Variants in MYO5B observed in about 807,000 individuals in gnomAD.
The protein encoded by MYO5B is unconventional myosin-Vb.
Under a neutral mutation model 229.3 loss-of-function variants are expected in MYO5B, and 143 were observed. The observed-to-expected ratio is 0.62, with a 90% CI of 0.54 to 0.72. The LOEUF is 0.72. Ranked by LOEUF, MYO5B falls within the 30% of genes least tolerant of loss-of-function variation. The probability of loss-of-function intolerance (pLI) is 0.00; values close to 1 mark genes in which losing one functional copy is unlikely to be tolerated. For missense variants in MYO5B, 2,321 were observed against 2,331.0 expected (o/e 1.00, Z 0.09); for synonymous variants, 918 against 885.2 (o/e 1.04, Z -0.66).
At chr18:50,082,503 C>T (rs570132368) in intron 1 of MYO5B, among the ~76,000 whole-genome samples, 1 of 152,264 alleles carries the variant, frequency 6.6e-6, no homozygotes, top group Admixed American at 6.5e-5. Flanking sequence ...GGTCTAGAAC[C>T]TAAGTGTTTC....
chr18:50,108,106 G>A (rs1410473376), intron 1 of MYO5B, among the ~76,000 whole-genome samples: 7 of 152,044 alleles, frequency 4.6e-5, no homozygotes, highest in African/African-American at 9.7e-5. Flanking sequence ...ATGGGGTTTC[G>A]CCATGTTGCC....
intron 9 of MYO5B, 129 bp downstream of exon 9, chr18:49,980,314 GA>G (rs1399761406): frequency 3.9e-6 from 3 of 773,506 alleles, no homozygotes; most frequent in Non-Finnish European, 6.8e-6. Context: ...ATCAGCAAGT[GA>G]ACAGAAACCA....
At chr18:50,058,093 A>G (rs2030596255) in intron 1 of MYO5B, among the ~76,000 whole-genome samples, 1 of 152,242 alleles carries the variant, frequency 6.6e-6, no homozygotes, top group African/African-American at 2.4e-5. Flanking sequence ...ACTGATGTCC[A>G]TAAATCAAGT....
intron 14 of MYO5B, among the ~76,000 whole-genome samples, chr18:49,941,256 C>T (rs139671399): frequency 9.6e-4 from 146 of 152,302 alleles, no homozygotes; most frequent in Non-Finnish European, 1.9e-3. Flanking sequence ...TCCTTAGTTC[C>T]CTGGCCTGGG....
At chr18:50,106,804 C>T (rs2031769804) in intron 1 of MYO5B, among the ~76,000 whole-genome samples, 1 of 152,212 alleles carries the variant, frequency 6.6e-6, no homozygotes, top group Admixed American at 6.5e-5. Flanking sequence ...ACTGCTGTAT[C>T]GTCAGTGTCT....
chr18:50,118,152 G>A (rs548630034), intron 1 of MYO5B, among the ~76,000 whole-genome samples: 4 of 152,084 alleles, frequency 2.6e-5, no homozygotes, highest in South Asian at 4.2e-4. Context: ...CCATCCACCC[G>A]CCCCCAACTA....
Position 49,895,052 on chromosome 18 carries a change from G to T in MYO5B, c.2934C>A (p.Ser978Arg). ...TCTCCACCTCCTCCTGCAGCCTGAG[G>T]CTGGTGTCCTCACCTGGGCTCTGCT... The part of the protein sequence containing the change: ...HYQQSPGEDT[S>R]LRLQEEVESL... The change falls in exon 22 of 40, where the codon AGC becomes AGA. Residue 978 changes from serine to arginine, a missense_variant. Transcript: ENST00000285039. The T allele has an allele frequency of 6.2e-7, 1 of 1,614,086 alleles. No homozygotes were observed. The highest frequency in any genetic ancestry group is 8.5e-7 in the Non-Finnish European group (1 of 1,180,022).
intron 1 of MYO5B, among the ~76,000 whole-genome samples, chr18:50,073,857 C>T (rs1172969067): frequency 6.6e-6 from 1 of 152,084 alleles, no homozygotes; most frequent in African/African-American, 2.4e-5. Context: ...TCTTTTTACC[C>T]TATTATCCAC....
chr18:49,971,417 A>G (rs1045146823), intron 10 of MYO5B, among the ~76,000 whole-genome samples: 1 of 152,224 alleles, frequency 6.6e-6, no homozygotes, highest in Non-Finnish European at 1.5e-5. Flanking sequence ...GGGGCAGATG[A>G]CAGTAAACGG....
intron 22 of MYO5B, among the ~76,000 whole-genome samples, chr18:49,883,647 T>C (rs1488217013): frequency 6.6e-6 from 1 of 150,582 alleles, no homozygotes; most frequent in African/African-American, 2.5e-5. Context: ...TCATATATAA[T>C]ATCTAGGGAT....
chr18:49,994,529 G>A (rs1248304826), intron 5 of MYO5B, among the ~76,000 whole-genome samples: 1 of 152,220 alleles, frequency 6.6e-6, no homozygotes, highest in Non-Finnish European at 1.5e-5. Flanking sequence ...GGGGGAGAAA[G>A]TACAACCTTG....
intron 1 of MYO5B, among the ~76,000 whole-genome samples, chr18:50,084,761 A>G (rs910551709): frequency 9.9e-5 from 15 of 152,214 alleles, no homozygotes; most frequent in Non-Finnish European, 2.2e-4. Context: ...ATAATGCTGC[A>G]TATCTACAAC....
At chr18:49,960,521 G>A (rs2025547201) in intron 12 of MYO5B, among the ~76,000 whole-genome samples, 1 of 152,184 alleles carries the variant, frequency 6.6e-6, no homozygotes, top group South Asian at 2.1e-4. Flanking sequence ...CCCTTTCACT[G>A]AAGCATACAG....
chr18:49,979,136 C>T (rs1285806427), intron 9 of MYO5B, among the ~76,000 whole-genome samples: 1 of 152,190 alleles, frequency 6.6e-6, no homozygotes, highest in East Asian at 1.9e-4. Flanking sequence ...CACAGGTCCT[C>T]CTCTGAACAT....
At chr18:50,145,033 G>C (rs1282146049) in intron 1 of MYO5B, among the ~76,000 whole-genome samples, 1 of 152,174 alleles carries the variant, frequency 6.6e-6, no homozygotes, top group Non-Finnish European at 1.5e-5. Flanking sequence ...ACTTCTGGGA[G>C]AGGCAACAAC....
Position 49,980,452 on chromosome 18 carries a change from T to C in MYO5B, c.1048A>G (p.Ser350Gly), listed in dbSNP as rs1456256202. The stretch of plus-strand genomic sequence containing the variant: ...GTTGGTGTGCAACTTACTGATATAC[T>C]ACAGGAATCACCATCACGCTCAGCC... ...IQAERDGDSC[S>G]ISPQDVYLSN... is the part of the protein sequence containing the mutation. Residue 350 changes from serine (S) to glycine (G), a missense_variant, in exon 9 of 40, where the codon AGT becomes GGT. By Grantham distance (56) the Ser-to-Gly change is moderately conservative. Around this residue, in one of 2 missense-constraint regions of MYO5B, gnomAD observed 2,113 missense variants for 2,044.7 expected, o/e 1.03. Transcript: ENST00000285039. The C allele has an allele frequency of 1.9e-6, 3 of 1,608,578 alleles. No homozygotes were observed. Among genetic ancestry groups the C allele is most frequent in the South Asian group, 1.1e-5 (1 of 90,956 alleles).
At chr18:50,137,245 C>A (rs576902056) in intron 1 of MYO5B, among the ~76,000 whole-genome samples, 1 of 152,214 alleles carries the variant, frequency 6.6e-6, no homozygotes, top group Non-Finnish European at 1.5e-5. Context: ...AGCCTATCTA[C>A]CAAAAGGGAA....
chr18:50,157,548 A>G (rs1409788479), intron 1 of MYO5B, among the ~76,000 whole-genome samples: 1 of 151,884 alleles, frequency 6.6e-6, no homozygotes, highest in African/African-American at 2.4e-5. Flanking sequence ...GGGCCTTTGC[A>G]TTGGCTTTTC....
chr18:50,182,166 C>G (rs534389034), intron 1 of MYO5B, among the ~76,000 whole-genome samples: 1 of 152,168 alleles, frequency 6.6e-6, no homozygotes, highest in African/African-American at 2.4e-5. Flanking sequence ...TGGTCTGAAC[C>G]TTCAGGCAAA....
Sources: gnomAD v4.1 joint callset for allele counts (sites outside exome capture counted in the v4.1 genomes callset) on GRCh38, gnomAD v4.1.1 for gene constraint, gnomAD v4.1.1 regional missense constraint, MANE v1.5 for transcripts, NCBI Gene and HGNC (gene_info 2026-07-23, HGNC 2026-07-21) for gene names.